Variants in ZDHHC14 observed in about 807,000 individuals in gnomAD.
ZDHHC14 encodes palmitoyltransferase ZDHHC14.
A neutral mutation model predicts 47.7 loss-of-function variants in ZDHHC14; 16 were observed. The observed-to-expected ratio is 0.34, with a 90% CI of 0.23 to 0.51. The LOEUF (loss-of-function observed/expected upper bound fraction) is 0.51. Ranked by LOEUF, ZDHHC14 falls within the 20% of genes least tolerant of loss-of-function variation. ZDHHC14 has a pLI of 0.97. For synonymous variants in ZDHHC14, 293 were observed against 278.9 expected (o/e 1.05, Z -0.50); for missense variants, 515 against 662.5 (o/e 0.78, Z 2.44).
chr6:157,420,776 G>T (rs1778084816), intron 1 of ZDHHC14, among the ~76,000 whole-genome samples: 1 of 152,336 alleles, frequency 6.6e-6, no homozygotes, highest in East Asian at 1.9e-4. Context: ...ATCAAGGACG[G>T]ATGGGAGCCA....
intron 2 of ZDHHC14, among the ~76,000 whole-genome samples, chr6:157,563,182 C>T (rs1300635937): frequency 6.6e-6 from 1 of 152,204 alleles, no homozygotes; most frequent in Non-Finnish European, 1.5e-5. Flanking sequence ...GGGAAGGCAG[C>T]CAGGTTGACT....
intron 1 of ZDHHC14, among the ~76,000 whole-genome samples, chr6:157,452,106 G>A (rs763631493): frequency 6.6e-6 from 1 of 152,156 alleles, no homozygotes; most frequent in Non-Finnish European, 1.5e-5. Flanking sequence ...TTCTGAGGCC[G>A]AAGTGATGGT....
At chr6:157,583,051 G>A (rs1345527911) in intron 2 of ZDHHC14, among the ~76,000 whole-genome samples, 13 of 151,704 alleles carry the variant, frequency 8.6e-5, no homozygotes, top group South Asian at 2.1e-4. Flanking sequence ...CTTATAGTAC[G>A]TTTTTTATCT....
At chr6:157,520,663 C>T (rs1780879718) in intron 1 of ZDHHC14, among the ~76,000 whole-genome samples, 1 of 152,168 alleles carries the variant, frequency 6.6e-6, no homozygotes, top group South Asian at 2.1e-4. Context: ...TGTATAAATA[C>T]CATTTCTATA....
At chr6:157,555,709 C>T (rs1782429770) in intron 2 of ZDHHC14, among the ~76,000 whole-genome samples, 1 of 152,126 alleles carries the variant, frequency 6.6e-6, no homozygotes, top group Admixed American at 6.5e-5. Flanking sequence ...GTTTACAGCC[C>T]CTGCCCTGTT....
intron 1 of ZDHHC14, among the ~76,000 whole-genome samples, chr6:157,482,133 A>T (rs1273330500): frequency 6.6e-6 from 1 of 152,124 alleles, no homozygotes; most frequent in Non-Finnish European, 1.5e-5. Context: ...ATGTTCTGAG[A>T]GTTGCGGTTT....
intron 1 of ZDHHC14, among the ~76,000 whole-genome samples, chr6:157,487,279 G>A (rs1226612517): frequency 6.6e-6 from 1 of 152,214 alleles, no homozygotes; most frequent in Admixed American, 6.5e-5. Context: ...AGGTTGAAGG[G>A]AAAATGAGAC....
chr6:157,447,745 T>C (rs1423654870), intron 1 of ZDHHC14, among the ~76,000 whole-genome samples: 2 of 152,236 alleles, frequency 1.3e-5, no homozygotes, highest in Non-Finnish European at 2.9e-5. Flanking sequence ...TTACCTTAAT[T>C]TGTAACCTTT....
chr6:157,598,634 A>C (rs941668544), intron 3 of ZDHHC14, among the ~76,000 whole-genome samples: 2 of 152,248 alleles, frequency 1.3e-5, no homozygotes, highest in Non-Finnish European at 2.9e-5. Context: ...ATTGCATCAA[A>C]ATATATAAAG....
chr6:157,556,486 G>T (rs537807727), intron 2 of ZDHHC14, among the ~76,000 whole-genome samples: 1 of 152,250 alleles, frequency 6.6e-6, no homozygotes, highest in Non-Finnish European at 1.5e-5. Context: ...CTGCCTGGCC[G>T]CTGAGCTCAT....
At chr6:157,569,762 T>C (rs1452037213) in intron 2 of ZDHHC14, among the ~76,000 whole-genome samples, 1 of 152,178 alleles carries the variant, frequency 6.6e-6, no homozygotes, top group Non-Finnish European at 1.5e-5. Flanking sequence ...TTGTATTGTT[T>C]TTTTCTTCAC....
At chr6:157,520,215 G>A (rs1780865207) in intron 1 of ZDHHC14, among the ~76,000 whole-genome samples, 1 of 152,176 alleles carries the variant, frequency 6.6e-6, no homozygotes, top group South Asian at 2.1e-4. Flanking sequence ...TGCAGGGGAG[G>A]AGCCTCCAGG....
In ZDHHC14 at chr6:157,596,965, G is replaced by A. The variant is rs535277704; in HGVS notation, c.565+3819G>A. ...TCTGGAAGGATTTAGATGATCTGCC[G>A]TGATCGACGTGAATGTATTTTCTGT... On this transcript the variant is annotated intron_variant, in intron 3 of 8. Coordinates refer to ENST00000359775, the MANE Select transcript of ZDHHC14 (RefSeq NM_024630.3). Among the ~76,000 whole-genome samples the A allele has an allele frequency of 2.7e-4, 41 of 152,248 alleles. 1 individual carries two copies. The South Asian group carries it at 7.9e-3, about 29-fold the overall frequency.
intron 8 of ZDHHC14, 49 bp downstream of exon 8, chr6:157,653,676 G>A (rs1485330626): frequency 6.3e-7 from 1 of 1,577,480 alleles, no homozygotes; most frequent in African/African-American, 1.3e-5. Flanking sequence ...TTTTGCTTGT[G>A]TGCTCACTAA....
At chr6:157,597,730 C>T (rs564610810) in intron 3 of ZDHHC14, among the ~76,000 whole-genome samples, 2 of 152,312 alleles carry the variant, frequency 1.3e-5, no homozygotes, top group South Asian at 2.1e-4. Flanking sequence ...GCTGTGAAGA[C>T]GAAGGAAGTA....
chr6:157,538,876 G>A (rs977062221), intron 1 of ZDHHC14, among the ~76,000 whole-genome samples: 2 of 152,164 alleles, frequency 1.3e-5, no homozygotes, highest in Admixed American at 1.3e-4. Flanking sequence ...AGTGAAAGCG[G>A]GTGCCTGCCT....
At chr6:157,451,858 C>T (rs1778811436) in intron 1 of ZDHHC14, among the ~76,000 whole-genome samples, 2 of 152,182 alleles carry the variant, frequency 1.3e-5, no homozygotes, top group South Asian at 4.1e-4. Flanking sequence ...CTGCGCTCAG[C>T]ATCTTGAATA....
At chr6:157,637,963 A>T (rs1777063632) in intron 5 of ZDHHC14, among the ~76,000 whole-genome samples, 1 of 152,224 alleles carries the variant, frequency 6.6e-6, no homozygotes, top group Admixed American at 6.5e-5. Context: ...AAAGCTCTTC[A>T]TCAGGCCCAC....
At chr6:157,436,543 C>T (rs1258188318) in intron 1 of ZDHHC14, among the ~76,000 whole-genome samples, 1 of 136,762 alleles carries the variant, frequency 7.3e-6, no homozygotes, top group Non-Finnish European at 1.5e-5. Context: ...GCATGAGAGT[C>T]GCCCAGGTGA....
Sources: gnomAD v4.1 joint callset for allele counts (sites outside exome capture counted in the v4.1 genomes callset) on GRCh38, gnomAD v4.1.1 for gene constraint, MANE v1.5 for transcripts, NCBI Gene and HGNC (gene_info 2026-07-23, HGNC 2026-07-21) for gene names.